The following PIAS2 variants were observed in gnomAD, a reference collection of about 807,000 sequenced individuals.
The protein encoded by PIAS2 is protein inhibitor of activated STAT 2.
PIAS2 carries 19 observed loss-of-function variants against 69.7 expected under a neutral mutation model. That is an observed-to-expected ratio of 0.27 (90% CI 0.19 to 0.40). The LOEUF is 0.40. Ranked by LOEUF, PIAS2 falls within the 10% of genes least tolerant of loss-of-function variation. PIAS2 has a pLI of 1.00. For synonymous variants in PIAS2, 261 were observed against 263.2 expected (o/e 0.99, Z 0.08); for missense variants, 624 against 757.0 (o/e 0.82, Z 2.06).
intron 2 of PIAS2, among the ~76,000 whole-genome samples, chr18:46,865,279 C>T (rs1374720939): frequency 2.0e-5 from 3 of 152,146 alleles, no homozygotes; most frequent in African/African-American, 7.2e-5. Context: ...GTGGCTCACA[C>T]GTGTAATCCC....
At chr18:46,895,848 C>T (rs1166183512) in intron 1 of PIAS2, among the ~76,000 whole-genome samples, 1 of 152,136 alleles carries the variant, frequency 6.6e-6, no homozygotes, top group Non-Finnish European at 1.5e-5. Context: ...GGCCCCAGTT[C>T]CTGGTCCTGT....
Position 46,855,914 on chromosome 18 carries a change from C to A in PIAS2, c.585-299G>T, listed in dbSNP as rs534441155. 2.0e-3 allele frequency among the ~76,000 whole-genome samples: 305 copies of A among 151,778 alleles called. 1 individual carries two copies. The highest frequency in any genetic ancestry group is 6.7e-3 in the African/African-American group (279 of 41,372). ...AACTTGGTAACATGCAAGGAAGCAG[C>A]CTAAGTTCGGAAAGAGTTTTAATCA... On this transcript the variant is annotated intron_variant, in intron 3 of 13. Coordinates refer to ENST00000585916, the MANE Select transcript of PIAS2 (RefSeq NM_004671.5).
chr18:46,842,931 T>C (rs1332600211), intron 8 of PIAS2, among the ~76,000 whole-genome samples: 2 of 152,176 alleles, frequency 1.3e-5, no homozygotes, highest in African/African-American at 4.8e-5. Context: ...GTTTTTAAGT[T>C]AATGAAGATT....
At chr18:46,857,727 G>A (rs149058798) in intron 3 of PIAS2, among the ~76,000 whole-genome samples, 1 of 152,290 alleles carries the variant, frequency 6.6e-6, no homozygotes, top group Non-Finnish European at 1.5e-5. Flanking sequence ...AACAAAAACT[G>A]GGAAATACAA....
At chr18:46,890,118 T>C (rs1409647363) in intron 2 of PIAS2, among the ~76,000 whole-genome samples, 1 of 152,138 alleles carries the variant, frequency 6.6e-6, no homozygotes, top group Non-Finnish European at 1.5e-5. Context: ...TCCAACGACA[T>C]GAGGTACTTG....
chr18:46,896,907 G>A (rs1033796982), intron 1 of PIAS2, among the ~76,000 whole-genome samples: 3 of 152,184 alleles, frequency 2.0e-5, no homozygotes, highest in Non-Finnish European at 4.4e-5. Flanking sequence ...ACAGTCATAA[G>A]ATTGAGTATT....
intron 1 of PIAS2, among the ~76,000 whole-genome samples, chr18:46,895,709 T>A (rs939485015): frequency 3.3e-5 from 5 of 152,030 alleles, no homozygotes; most frequent in Non-Finnish European, 5.9e-5. Flanking sequence ...CATTTATAAG[T>A]AGGAATAAAG....
rs561314006 is a variant in PIAS2 at position 46,868,422 on chromosome 18, G to A, written c.500-4174C>T. 2.0e-5 allele frequency among the ~76,000 whole-genome samples: 3 copies of A among 152,074 alleles called. No individual in the cohort carries two copies. The South Asian group carries it at 6.2e-4, about 32-fold the overall frequency. ...TCTTGCTGAGACAGCTCTCCCTGCC[G>A]AAACTACCCTTCCCGCCTTTGCCGC... On this transcript the variant is annotated intron_variant, in intron 2 of 13. Transcript: ENST00000585916.
intron 12 of PIAS2, chr18:46,816,974 A>C: frequency 1.1e-6 from 1 of 938,130 alleles, no homozygotes; most frequent in African/African-American, 1.8e-5. Context: ...AACAATTCAA[A>C]ATTTGTCTAG....
intron 2 of PIAS2, among the ~76,000 whole-genome samples, chr18:46,865,334 G>A (rs964937704): frequency 2.0e-5 from 3 of 152,010 alleles, no homozygotes; most frequent in Non-Finnish European, 4.4e-5. Context: ...GAGGTCAAGT[G>A]TTCAAGACCA....
At chr18:46,836,319 T>TCC (rs1260551201) in intron 9 of PIAS2, 38 bp downstream of exon 9, 2 of 1,540,858 alleles carry the variant, frequency 1.3e-6, no homozygotes, top group Non-Finnish European at 1.8e-6. Flanking sequence ...ACAGCTGTTG[T>TCC]ATTAGTCCAT....
At position 46,846,775 on chromosome 18, in the gene PIAS2, A is replaced by T; in HGVS notation, c.793T>A (p.Ser265Thr). ...ACAGCTGAAGATAACCTAACTAAAG[A>T]TGTAATATTCAAGGGGCGTCCAGGG... ...KRPGRPLNITSLVRLSSAVPN... is the reference protein window; with the variant it reads ...KRPGRPLNITTLVRLSSAVPN... The change falls in exon 6 of 14, where the codon TCT becomes ACT. Residue 265 changes from serine (S) to threonine (T), a missense_variant. By Grantham distance (58) the Ser-to-Thr change is moderately conservative. Transcript: ENST00000585916. The T allele has an allele frequency of 1.2e-6, 2 of 1,613,228 alleles. No homozygotes were observed. Among genetic ancestry groups the T allele is most frequent in the Non-Finnish European group, 8.5e-7 (1 of 1,179,560 alleles).
Position 46,855,673 on chromosome 18 carries a change from T to C in PIAS2, c.585-58A>G, listed in dbSNP as rs1344598427. The C allele has an allele frequency of 6.9e-6, 9 of 1,312,936 alleles. No homozygotes were observed. In the Admixed American group the frequency reaches 1.4e-4, roughly 20 times the overall value. The allele number at this position is 1,312,936 out of a possible 1,614,324, so 81.3% of individuals were successfully genotyped here. ...AGTACAATGAGAATTCTCAGAACAG[T>C]CTCCCCAGGAGGAAAAAAAGGAAAA... On this transcript the variant is annotated intron_variant, in intron 3 of 13. Coordinates refer to ENST00000585916, the MANE Select transcript of PIAS2 (RefSeq NM_004671.5).
chr18:46,842,704 A>G (rs186460558), intron 8 of PIAS2, among the ~76,000 whole-genome samples: 5 of 152,300 alleles, frequency 3.3e-5, no homozygotes, highest in African/African-American at 9.6e-5. Flanking sequence ...AAGATACTGA[A>G]AAGAACTCAT....
chr18:46,824,342 T>C (rs1488314298), intron 11 of PIAS2, among the ~76,000 whole-genome samples: 1 of 152,206 alleles, frequency 6.6e-6, no homozygotes, highest in East Asian at 1.9e-4. Flanking sequence ...CAATTCTTAA[T>C]GATTATCAAT....
intron 1 of PIAS2, among the ~76,000 whole-genome samples, chr18:46,910,575 A>T (rs949168021): frequency 2.0e-5 from 3 of 152,224 alleles, no homozygotes; most frequent in East Asian, 3.8e-4. Flanking sequence ...CTATTTAAAA[A>T]GAAAGAAAAA....
chr18:46,835,065 T>C (rs957804902), intron 9 of PIAS2, among the ~76,000 whole-genome samples: 3 of 152,042 alleles, frequency 2.0e-5, no homozygotes, highest in Non-Finnish European at 2.9e-5. Flanking sequence ...GAAACAAATA[T>C]GGAATATCAA....
chr18:46,874,744 C>G (rs151104731), intron 2 of PIAS2, among the ~76,000 whole-genome samples: 1 of 152,324 alleles, frequency 6.6e-6, no homozygotes, highest in African/African-American at 2.4e-5. Context: ...CATACTTAGT[C>G]TGTCTTCCAC....
rs988339886 is a variant in PIAS2, at chr18:46,808,792, T to C, written c.*3641A>G. The C allele has an allele frequency of 1.3e-5, 2 of 150,988 alleles. No homozygotes were observed. The highest frequency in any genetic ancestry group is 1.5e-5 in the Non-Finnish European group (1 of 67,880). 9.4% of individuals were successfully genotyped at this position (150,988 alleles called of 1,614,324 possible). On this transcript the variant is annotated 3_prime_UTR_variant, in exon 14 of 14. Transcript: ENST00000585916. Reference sequence around the variant, plus strand: ...GAAAAATTAAGAAAATAAAAATGTTTACTAAAGAAAGAATGGTCCGGCTAA... The same window carrying C: ...GAAAAATTAAGAAAATAAAAATGTTCACTAAAGAAAGAATGGTCCGGCTAA...
Sources: allele counts gnomAD v4.1 joint callset (sites outside exome capture counted in the v4.1 genomes callset), GRCh38; gene constraint gnomAD v4.1.1; transcripts MANE v1.5; gene names NCBI Gene and HGNC (gene_info 2026-07-23, HGNC 2026-07-21).